The following GRM1 variants were observed in gnomAD, a reference collection of about 807,000 sequenced individuals.
GRM1 encodes metabotropic glutamate receptor 1.
A neutral mutation model predicts 90.9 loss-of-function variants in GRM1; 33 were observed. That is an observed-to-expected ratio of 0.36 (90% CI 0.28 to 0.49). The LOEUF (loss-of-function observed/expected upper bound fraction) is 0.49, where lower values mean the gene tolerates loss of function less well. Ranked by LOEUF, GRM1 falls within the 20% of genes least tolerant of loss-of-function variation. The probability of loss-of-function intolerance (pLI) is 0.99; values close to 1 mark genes in which losing one functional copy is unlikely to be tolerated. For missense variants in GRM1, 1,190 were observed against 1,534.3 expected (o/e 0.78, Z 3.75); for synonymous variants, 700 against 613.2 (o/e 1.14, Z -2.09).
At chr6:146,159,790 C>T (rs1777653355) in intron 2 of GRM1, 193 bp downstream of exon 2, 1 of 585,010 alleles carries the variant, frequency 1.7e-6, no homozygotes, top group African/African-American at 1.9e-5. Context: ...TGGCATCTTC[C>T]TGCTAAACAA....
intron 1 of GRM1, among the ~76,000 whole-genome samples, chr6:146,086,148 G>A (rs1490581534): frequency 6.6e-6 from 1 of 152,076 alleles, no homozygotes; most frequent in Non-Finnish European, 1.5e-5. Context: ...CCTCTTTCTA[G>A]TTTGGAAATG....
Position 146,071,043 on chromosome 6 carries a change from C to A in GRM1, c.700+40826C>A, listed in dbSNP as rs192462150. ...ACTTGCTTTTTGTGTATCTGGATTT[C>A]TCTTCCAAATTTGCGAGTCATTCTG... On this transcript the variant is annotated intron_variant, in intron 1 of 7. Coordinates refer to ENST00000282753, the MANE Select transcript of GRM1 (RefSeq NM_001278064.2). Among the ~76,000 whole-genome samples, 26 of 152,256 alleles carry A rather than the reference C, an allele frequency of 1.7e-4. 1 individual carries two copies. The highest frequency in any genetic ancestry group is 1.6e-3 in the Admixed American group (25 of 15,292).
intron 1 of GRM1, among the ~76,000 whole-genome samples, chr6:146,062,385 C>T (rs1775703792): frequency 6.6e-6 from 1 of 151,864 alleles, no homozygotes; most frequent in Non-Finnish European, 1.5e-5. Flanking sequence ...GGAGAAATAC[C>T]TAATGTAGAT....
chr6:146,169,480 C>G (rs924403002), intron 2 of GRM1, among the ~76,000 whole-genome samples: 1 of 152,096 alleles, frequency 6.6e-6, no homozygotes, highest in Non-Finnish European at 1.5e-5. Context: ...TTTCTCCCGC[C>G]TTAGATATTT....
chr6:146,373,591 G>A lies in GRM1; in HGVS notation c.1603-13299G>A, dbSNP rs146951904. Reference sequence around the variant, plus strand: ...TGATATGAGATTTGGGGATGGGGGCGGACACAGAGCCAAACCATATCAGTG... The same window carrying A: ...TGATATGAGATTTGGGGATGGGGGCAGACACAGAGCCAAACCATATCAGTG... On this transcript the variant is annotated intron_variant, in intron 5 of 7. Coordinates refer to ENST00000282753, the MANE Select transcript of GRM1 (RefSeq NM_001278064.2). Among the ~76,000 whole-genome samples, 902 of 152,126 alleles carry A rather than the reference G, an allele frequency of 5.9e-3. 8 individuals carry two copies. The highest frequency in any genetic ancestry group is 0.034 in the Middle Eastern group (10 of 294).
chr6:146,095,075 A>T (rs1776833943), intron 1 of GRM1, among the ~76,000 whole-genome samples: 2 of 152,184 alleles, frequency 1.3e-5, no homozygotes, highest in South Asian at 4.1e-4. Context: ...TGAAGTTTTA[A>T]GTCACTGTCC....
At chr6:146,338,339 A>G (rs1784850055) in intron 3 of GRM1, among the ~76,000 whole-genome samples, 1 of 152,222 alleles carries the variant, frequency 6.6e-6, no homozygotes, top group South Asian at 2.1e-4. Context: ...AGTTACTTGC[A>G]TCTAACAAGC....
intron 2 of GRM1, among the ~76,000 whole-genome samples, chr6:146,289,581 G>A (rs1051949594): frequency 6.6e-6 from 1 of 152,172 alleles, no homozygotes; most frequent in African/African-American, 2.4e-5. Context: ...GTCTATGGTA[G>A]AGTAATGTAC....
At chr6:146,342,027 A>G (rs572149080) in intron 3 of GRM1, among the ~76,000 whole-genome samples, 2 of 152,366 alleles carry the variant, frequency 1.3e-5, no homozygotes, top group South Asian at 2.1e-4. Flanking sequence ...TTTTAAGTGC[A>G]TGAACAATGA....
At chr6:146,203,149 G>C (rs1017190185) in intron 2 of GRM1, among the ~76,000 whole-genome samples, 1 of 151,770 alleles carries the variant, frequency 6.6e-6, no homozygotes, top group Non-Finnish European at 1.5e-5. Flanking sequence ...AGCCAAGATA[G>C]CGCCACATCA....
intron 1 of GRM1, among the ~76,000 whole-genome samples, chr6:146,150,938 G>GCGCACACACACA (rs1554273698): frequency 3.3e-5 from 5 of 150,820 alleles, no homozygotes; most frequent in African/African-American, 1.2e-4. Flanking sequence ...GCGTGTGCGC[G>GCGCACACACACA]CACACACACA....
intron 1 of GRM1, among the ~76,000 whole-genome samples, chr6:146,084,104 T>A (rs1776460164): frequency 6.6e-6 from 1 of 152,120 alleles, no homozygotes; most frequent in African/African-American, 2.4e-5. Flanking sequence ...TTTTATTGTG[T>A]CTATTTGATT....
chr6:146,034,314 C>G (rs986464187), intron 1 of GRM1, among the ~76,000 whole-genome samples: 1 of 152,042 alleles, frequency 6.6e-6, no homozygotes, highest in Non-Finnish European at 1.5e-5. Context: ...AATAATCTCT[C>G]TTTTGTAGTG....
intron 7 of GRM1, among the ~76,000 whole-genome samples, chr6:146,430,894 C>T (rs183997105): frequency 6.6e-6 from 1 of 152,306 alleles, no homozygotes; most frequent in African/African-American, 2.4e-5. Flanking sequence ...ATCATAACAG[C>T]ATCTACATAC....
chr6:146,422,767 C>A (rs2024589), intron 7 of GRM1, among the ~76,000 whole-genome samples: 24,722 of 152,034 alleles, frequency 0.16, 2,387 homozygotes, highest in East Asian at 0.4. Flanking sequence ...AAAGCAAAGT[C>A]ATACTGAGTT....
At chr6:146,347,244 G>C (rs1054042756) in intron 3 of GRM1, among the ~76,000 whole-genome samples, 14 of 152,202 alleles carry the variant, frequency 9.2e-5, no homozygotes, top group African/African-American at 3.4e-4. Flanking sequence ...TGCTCCACTA[G>C]TTGGGTAGGA....
chr6:146,235,895 T>C (rs1468425491), intron 2 of GRM1, among the ~76,000 whole-genome samples: 2 of 152,134 alleles, frequency 1.3e-5, no homozygotes, highest in East Asian at 3.9e-4. Context: ...TCCTGTTGGA[T>C]AGTGACAACA....
intron 1 of GRM1, among the ~76,000 whole-genome samples, chr6:146,038,349 A>G (rs1001262703): frequency 2.6e-5 from 4 of 151,968 alleles, no homozygotes; most frequent in Non-Finnish European, 2.9e-5. Context: ...GGATTGACTC[A>G]AGGGATTAAT....
chr6:146,400,969 C>A (rs927289227), intron 7 of GRM1, among the ~76,000 whole-genome samples: 1 of 151,966 alleles, frequency 6.6e-6, no homozygotes, highest in South Asian at 2.1e-4. Context: ...ATTTTTGTAA[C>A]TTTTCAATGT....
Sources: allele counts gnomAD v4.1 joint callset (sites outside exome capture counted in the v4.1 genomes callset), GRCh38; gene constraint gnomAD v4.1.1; transcripts MANE v1.5; gene names NCBI Gene and HGNC (gene_info 2026-07-23, HGNC 2026-07-21).